MRC2: variants seen among roughly 807,000 people sequenced by gnomAD.
MRC2 encodes C-type mannose receptor 2.
Under a neutral mutation model 206.2 loss-of-function variants are expected in MRC2, and 84 were observed. The ratio of observed to expected loss-of-function variants is 0.41; its 90% confidence interval spans 0.34 to 0.49. The LOEUF (loss-of-function observed/expected upper bound fraction) is 0.49, where lower values mean the gene tolerates loss of function less well. Ranked by LOEUF, MRC2 falls within the 20% of genes least tolerant of loss-of-function variation. MRC2 has a pLI of 0.31. For synonymous variants in MRC2, 798 were observed against 800.0 expected (o/e 1.00, Z 0.04); for missense variants, 1,676 against 2,001.5 (o/e 0.84, Z 3.10).
intron 1 of MRC2, among the ~76,000 whole-genome samples, chr17:62,640,620 C>G (rs993656916): frequency 3.3e-5 from 5 of 152,088 alleles, no homozygotes; most frequent in African/African-American, 1.2e-4. Context: ...CTGAAGTGAT[C>G]TTCCCCCCTC....
rs1475585253 is a variant in MRC2, at chr17:62,666,632, C to T, written c.859+13C>T. 1 of 1,556,864 alleles carries T rather than the reference C, an allele frequency of 6.4e-7. No individual in the cohort carries two copies. The highest frequency in any genetic ancestry group is 8.7e-7 in the Non-Finnish European group (1 of 1,150,610). On this transcript the variant is annotated intron_variant, in intron 4 of 29. Transcript: ENST00000303375. This position sits in a 1 kb window ranked among gnomAD's most constrained non-coding sequence, Gnocchi z 5.0. ...ACCTACATCAACGGTGAGCCGGGGC[C>T]TGATGCCTGCTCGTGCCTCTGGAGG...
At chr17:62,676,270 A>G (rs2088890335) in intron 10 of MRC2, 113 bp from the exon 11 acceptor site, 2 of 1,369,014 alleles carry the variant, frequency 1.5e-6, no homozygotes, top group Non-Finnish European at 2.0e-6. Context: ...TGCTTTCTTG[A>G]GCAAGTTATT....
intron 1 of MRC2, among the ~76,000 whole-genome samples, chr17:62,641,335 G>GAAGAA (rs1051397745): frequency 2.7e-5 from 4 of 149,230 alleles, no homozygotes; most frequent in Non-Finnish European, 5.9e-5. Context: ...AAAAAAAAGA[G>GAAGAA]AAGAAAAGAA....
chr17:62,634,871 C>A (rs2088292819), intron 1 of MRC2, among the ~76,000 whole-genome samples: 1 of 151,398 alleles, frequency 6.6e-6, no homozygotes, highest in Non-Finnish European at 1.5e-5. Context: ...CCCTCTGTCA[C>A]CCAGGCTGGA....
chr17:62,633,314 A>G (rs1381616567), intron 1 of MRC2, among the ~76,000 whole-genome samples: 1 of 151,966 alleles, frequency 6.6e-6, no homozygotes, highest in African/African-American at 2.4e-5. Context: ...CATCCTGGCT[A>G]ACACGGTGAA....
chr17:62,628,054 T>G (rs1479363976), intron 1 of MRC2, 134 bp downstream of exon 1: 12 of 568,358 alleles, frequency 2.1e-5, no homozygotes, highest in African/African-American at 1.4e-4. Flanking sequence ...TGTGACTGGG[T>G]TTTTAAAACT....
In MRC2 at chr17:62,671,836, A is replaced by G. The variant is rs2088830239; in HGVS notation, c.1305A>G (p.Gln435=). The change falls in exon 7 of 30, where the codon CAA becomes CAG. Residue 435 remains glutamine, a splice_region_variant and synonymous_variant. Transcript: ENST00000303375. The surrounding 1 kb of genome is among the most constrained non-coding windows in gnomAD (Gnocchi z 4.5). ...ELEFITKQIK[Q]EVEELWIGLN... ...AATTCATCACCAAGCAGATCAAGCA[A>G]GGTGAGGAGCTGCCCGCCCACGTGT... is the stretch of plus-strand genomic sequence containing the variant. 3 of 1,594,986 alleles carry G rather than the reference A, an allele frequency of 1.9e-6. No homozygotes were observed. The African/African-American group carries it at 4.0e-5, about 21-fold the overall frequency.
chr17:62,669,602 T>G (rs530320039), intron 6 of MRC2, among the ~76,000 whole-genome samples: 4 of 152,192 alleles, frequency 2.6e-5, no homozygotes, highest in African/African-American at 9.6e-5. Flanking sequence ...CAATCTCCAC[T>G]CACTGCAACC....
chr17:62,650,907 C>T (rs971952770), intron 1 of MRC2, among the ~76,000 whole-genome samples: 7 of 152,114 alleles, frequency 4.6e-5, no homozygotes, highest in Non-Finnish European at 1.0e-4. Context: ...AATACTGGCA[C>T]AGTGCTGTTT....
At chr17:62,657,622 T>G (rs1209789476) in intron 1 of MRC2, among the ~76,000 whole-genome samples, 1 of 134,792 alleles carries the variant, frequency 7.4e-6, no homozygotes, top group Non-Finnish European at 1.6e-5. Context: ...CTCCCATGCA[T>G]ATGGATGAGG....
intron 20 of MRC2, among the ~76,000 whole-genome samples, chr17:62,685,606 GCTTA>G (rs773728425): frequency 6.6e-6 from 1 of 152,090 alleles, no homozygotes; most frequent in African/African-American, 2.4e-5. Flanking sequence ...TACCATCATG[GCTTA>G]CTTACTGCAG....
intron 1 of MRC2, among the ~76,000 whole-genome samples, chr17:62,651,962 G>A (rs933213115): frequency 2.0e-5 from 3 of 152,140 alleles, no homozygotes; most frequent in East Asian, 1.9e-4. Context: ...TTGTGGGGGG[G>A]TATCTAAGTT....
rs1254321708 is a variant in MRC2 at position 62,689,907 on chromosome 17, A to G, written c.3587A>G (p.Tyr1196Cys). The G allele has an allele frequency of 1.3e-6, 2 of 1,597,866 alleles. No homozygotes were observed. The highest frequency in any genetic ancestry group is 1.7e-6 in the Non-Finnish European group (2 of 1,173,688). ...GLAGEEGSRRYSWVSEEPLNY... is the reference protein window; with the variant it reads ...GLAGEEGSRRCSWVSEEPLNY... ...CCCCATGCCCAGGGCTCTCGGCGGT[A>G]CTCCTGGGTCTCAGAGGAGCCGCTG... Residue 1196 changes from tyrosine (Y) to cysteine (C), a missense_variant, in exon 25 of 30, where the codon TAC (tyrosine) becomes TGC (cysteine). By Grantham distance (194) the Tyr-to-Cys change is radical. Around this residue, in one of 3 missense-constraint regions of MRC2, gnomAD observed 1,354 missense variants for 1,636.6 expected, o/e 0.83. Coordinates refer to ENST00000303375, the MANE Select transcript of MRC2 (RefSeq NM_006039.5).
Position 62,689,614 on chromosome 17 carries a change from C to A in MRC2, c.3427C>A (p.Pro1143Thr). ...LNGTFRLLQK[P>T]LRWHDALLLC... ...CGGCACCTTCCGGCTGCTTCAGAAG[C>A]CGCTGCGCTGGCACGATGCCCTCCT... The change falls in exon 24 of 30, where the codon CCG (proline) becomes ACG (threonine). Residue 1143 changes from proline (P) to threonine (T), a missense_variant. Coordinates refer to ENST00000303375, the MANE Select transcript of MRC2 (RefSeq NM_006039.5). 1 of 1,603,766 alleles carries A rather than the reference C, an allele frequency of 6.2e-7. No individual in the cohort carries two copies. The highest frequency in any genetic ancestry group is 8.5e-7 in the Non-Finnish European group (1 of 1,175,586).
In MRC2 at chr17:62,642,967, C is replaced by T. The variant is rs74788797; in HGVS notation, c.118+15047C>T. 3.2e-4 allele frequency among the ~76,000 whole-genome samples: 48 copies of T among 152,252 alleles called. No individual in the cohort carries two copies. The East Asian group carries it at 8.7e-3, about 28-fold the overall frequency. ...GAATGAACAAGCTCCAGTTGCATGC[C>T]ACAGCATGGATGGAGTTCACAAACT... On this transcript the variant is annotated intron_variant, in intron 1 of 29. Coordinates refer to ENST00000303375, the MANE Select transcript of MRC2 (RefSeq NM_006039.5).
intron 19 of MRC2, 49 bp downstream of exon 19, chr17:62,681,986 A>G (rs2460300): frequency 0.96 from 1,451,870 of 1,517,036 alleles, 700,320 homozygotes; most frequent in Non-Finnish European, 0.98. Context: ...GCAAAGGGTT[A>G]ATGCTGGGCG....
At position 62,632,537 on chromosome 17, in the gene MRC2, G is replaced by T. The variant is rs557819630; in HGVS notation, c.118+4617G>T. ...GTTTCCCCGGCCCCCCATGCCTCTG[G>T]TCTCTTGTCCTGCCCCAGCTTTCTC... On this transcript the variant is annotated intron_variant, in intron 1 of 29. Transcript: ENST00000303375. Among the ~76,000 whole-genome samples the T allele has an allele frequency of 2.6e-5, 4 of 152,288 alleles. No individual in the cohort carries two copies. In the East Asian group the frequency reaches 7.7e-4, roughly 29 times the overall value.
chr17:62,663,599 C>T (rs1319031830), intron 1 of MRC2, among the ~76,000 whole-genome samples: 4 of 152,028 alleles, frequency 2.6e-5, no homozygotes, highest in African/African-American at 9.7e-5. Flanking sequence ...TTGGATTTCC[C>T]CCAGTGACTT....
At chr17:62,660,541 T>C (rs1324519741) in intron 1 of MRC2, among the ~76,000 whole-genome samples, 2 of 152,176 alleles carry the variant, frequency 1.3e-5, no homozygotes, top group African/African-American at 4.8e-5. Flanking sequence ...AGGTTTTCTT[T>C]TGAAATCCCA....
Sources: gnomAD v4.1 joint callset for allele counts (sites outside exome capture counted in the v4.1 genomes callset) on GRCh38, gnomAD v4.1.1 for gene constraint, gnomAD v4.1.1 regional missense constraint, Gnocchi (gnomAD v3.1) non-coding constraint, MANE v1.5 for transcripts, NCBI Gene and HGNC (gene_info 2026-07-23, HGNC 2026-07-21) for gene names.